CA10: variants seen among roughly 807,000 people sequenced by gnomAD.
CA10 encodes carbonic anhydrase 10 (inactive).
Under a neutral mutation model 44.2 loss-of-function variants are expected in CA10, and 14 were observed. That is an observed-to-expected ratio of 0.32 (90% confidence interval 0.21 to 0.50). The LOEUF is 0.50. Ranked by LOEUF, CA10 falls within the 20% of genes least tolerant of loss-of-function variation. The pLI is 0.99. For synonymous variants in CA10, 159 were observed against 141.6 expected (o/e 1.12, Z -0.87); for missense variants, 350 against 409.7 (o/e 0.85, Z 1.26).
At chr17:52,102,556 C>T (rs890882214) in intron 1 of CA10, among the ~76,000 whole-genome samples, 3 of 152,206 alleles carry the variant, frequency 2.0e-5, no homozygotes, top group African/African-American at 7.2e-5. Context: ...CCATCTAACA[C>T]AGAGTTATGT....
intron 5 of CA10, among the ~76,000 whole-genome samples, chr17:51,651,736 T>G (rs1409358980): frequency 6.6e-6 from 1 of 152,184 alleles, no homozygotes; most frequent in East Asian, 1.9e-4. Flanking sequence ...GCCTCCAGAA[T>G]GACAGTCACT....
chr17:51,698,951 G>C (rs1031781815), intron 4 of CA10, among the ~76,000 whole-genome samples: 3 of 152,114 alleles, frequency 2.0e-5, no homozygotes, highest in Non-Finnish European at 2.9e-5. Context: ...TGAACATTAT[G>C]TTGTTTCTAT....
At chr17:51,934,741 G>A (rs1281663614) in intron 2 of CA10, among the ~76,000 whole-genome samples, 2 of 152,070 alleles carry the variant, frequency 1.3e-5, no homozygotes, top group Non-Finnish European at 2.9e-5. Flanking sequence ...TAGTTCCTGG[G>A]GTCAGCTGCA....
At chr17:51,973,794 C>T (rs990171403) in intron 2 of CA10, among the ~76,000 whole-genome samples, 2 of 152,084 alleles carry the variant, frequency 1.3e-5, no homozygotes, top group African/African-American at 4.8e-5. Flanking sequence ...AATATTTCAG[C>T]TCTAAATATG....
chr17:51,694,152 T>C (rs1263959), intron 4 of CA10, among the ~76,000 whole-genome samples: 123,303 of 151,346 alleles, frequency 0.81, 50,513 homozygotes, highest in Admixed American at 0.87. Flanking sequence ...TGCAGTGAGC[T>C]GAGATCATGC....
chr17:51,968,458 A>C (rs1984160813), intron 2 of CA10, among the ~76,000 whole-genome samples: 1 of 151,944 alleles, frequency 6.6e-6, no homozygotes, highest in Non-Finnish European at 1.5e-5. Context: ...GCACTGAGCA[A>C]AAACAAAACA....
chr17:51,786,701 C>T (rs1034372365), intron 3 of CA10, among the ~76,000 whole-genome samples: 1 of 152,032 alleles, frequency 6.6e-6, no homozygotes, highest in African/African-American at 2.4e-5. Context: ...ACATTGAGTA[C>T]TAACATATTA....
chr17:52,068,072 G>A (rs1334506330), intron 2 of CA10, among the ~76,000 whole-genome samples: 1 of 152,112 alleles, frequency 6.6e-6, no homozygotes, highest in Non-Finnish European at 1.5e-5. Context: ...GGATTGGGAG[G>A]GACCCAAAGT....
At chr17:51,796,395 C>A (rs1906710385) in intron 3 of CA10, among the ~76,000 whole-genome samples, 1 of 152,150 alleles carries the variant, frequency 6.6e-6, no homozygotes, top group Admixed American at 6.5e-5. Context: ...CCCTCACCCC[C>A]AGGGATTGCA....
chr17:52,028,927 C>T (rs1831801764), intron 2 of CA10, among the ~76,000 whole-genome samples: 1 of 152,214 alleles, frequency 6.6e-6, no homozygotes, highest in South Asian at 2.1e-4. Flanking sequence ...TAAAACTCTT[C>T]CCAACTTGTG....
At chr17:52,091,766 T>C (rs550919171) in intron 1 of CA10, among the ~76,000 whole-genome samples, 1 of 152,228 alleles carries the variant, frequency 6.6e-6, no homozygotes, top group South Asian at 2.1e-4. Flanking sequence ...GAATTCAATT[T>C]AGCAGGAAAT....
intron 3 of CA10, among the ~76,000 whole-genome samples, chr17:51,880,129 T>C (rs956670689): frequency 2.0e-5 from 3 of 152,190 alleles, no homozygotes; most frequent in East Asian, 1.9e-4. Flanking sequence ...CTGAAACTAA[T>C]AAGCCAGTCC....
rs141030262 is a variant in CA10 at position 51,831,987 on chromosome 17, T to C, written c.280-84169A>G. The stretch of plus-strand genomic sequence containing the variant: ...CTCCCTCGTTGACAAGATCTGGCAA[T>C]GGGACTCCGCTCCTAGAAGAGGGAG... On this transcript the variant is annotated intron_variant, in intron 3 of 8. Coordinates refer to ENST00000451037, the MANE Select transcript of CA10 (RefSeq NM_020178.5). 2.6e-3 allele frequency among the ~76,000 whole-genome samples: 400 copies of C among 152,266 alleles called. 1 individual carries two copies. Among genetic ancestry groups the C allele is most frequent in the African/African-American group, 9.2e-3 (383 of 41,554 alleles).
intron 6 of CA10, among the ~76,000 whole-genome samples, chr17:51,637,723 G>A (rs145009899): frequency 6.6e-6 from 1 of 152,214 alleles, no homozygotes; most frequent in Non-Finnish European, 1.5e-5. Flanking sequence ...AGAAACTAAA[G>A]ATCAGGGAGG....
chr17:52,102,599 G>A (rs1027923633), intron 1 of CA10, among the ~76,000 whole-genome samples: 1 of 152,132 alleles, frequency 6.6e-6, no homozygotes, highest in East Asian at 1.9e-4. Flanking sequence ...CAGACAAAAC[G>A]AGGCAACTAC....
intron 3 of CA10, among the ~76,000 whole-genome samples, chr17:51,792,142 G>A (rs1488970824): frequency 6.6e-6 from 1 of 152,134 alleles, no homozygotes; most frequent in Non-Finnish European, 1.5e-5. Flanking sequence ...AATTCTCATA[G>A]AAGAGAAGGA....
chr17:51,809,014 A>G (rs537400638), intron 3 of CA10, among the ~76,000 whole-genome samples: 1 of 152,286 alleles, frequency 6.6e-6, no homozygotes, highest in African/African-American at 2.4e-5. Context: ...ATAACTTTAT[A>G]GCTTTAAATC....
intron 2 of CA10, among the ~76,000 whole-genome samples, chr17:52,049,752 G>C (rs1422359395): frequency 6.6e-6 from 1 of 152,110 alleles, no homozygotes; most frequent in Non-Finnish European, 1.5e-5. Context: ...AGTTTCACAA[G>C]TGCATCAAAA....
intron 2 of CA10, among the ~76,000 whole-genome samples, chr17:52,063,167 T>G (rs1013119063): frequency 6.6e-6 from 1 of 152,240 alleles, no homozygotes; most frequent in East Asian, 1.9e-4. Context: ...TGGCCAATTT[T>G]TGTCTTTGTG....
Sources: gnomAD v4.1 joint callset for allele counts (sites outside exome capture counted in the v4.1 genomes callset) on GRCh38, gnomAD v4.1.1 for gene constraint, MANE v1.5 for transcripts, NCBI Gene and HGNC (gene_info 2026-07-23, HGNC 2026-07-21) for gene names.